CD8A: variants seen among roughly 807,000 people sequenced by gnomAD.
CD8A encodes CD8 subunit alpha, also known as T-cell surface glycoprotein CD8 alpha chain.
CD8A carries 25 observed loss-of-function variants against 24.2 expected under a neutral mutation model. The observed-to-expected ratio is 1.03, with a 90% CI of 0.75 to 1.44. The LOEUF (loss-of-function observed/expected upper bound fraction) is 1.44, where lower values mean the gene tolerates loss of function less well. Ranked by LOEUF, CD8A falls within the 40% of genes most tolerant of loss-of-function variation. The pLI, the probability that CD8A is intolerant of heterozygous loss-of-function variation, is 0.00. For synonymous variants in CD8A, 165 were observed against 149.9 expected (o/e 1.10, Z -0.74); for missense variants, 360 against 319.7 (o/e 1.13, Z -0.96).
At chr2:86,789,173 C>T in intron 4 of CD8A, 150 bp downstream of exon 4, 2 of 707,608 alleles carry the variant, frequency 2.8e-6, no homozygotes, top group South Asian at 3.0e-5. Flanking sequence ...ATTCTATCTC[C>T]CAGAAAGAAG....
In CD8A at chr2:86,788,555, G is replaced by T; in HGVS notation, c.631C>A (p.Arg211=). 1.9e-6 allele frequency: 3 copies of T among 1,613,084 alleles called. No homozygotes were observed. The highest frequency in any genetic ancestry group is 2.5e-6 in the Non-Finnish European group (3 of 1,179,380). The change falls in exon 5 of 6, where the codon CGA becomes AGA. Residue 211 remains arginine (R), a synonymous_variant. Coordinates refer to ENST00000283635, the MANE Select transcript of CD8A (RefSeq NM_001768.7). The part of the protein sequence containing the change: ...VITLYCNHRN[R]RRVCKCPRPV... ...CGGGGACATTTGCAAACACGTCTTC[G>T]GTTCCCTGGATAAGGAAAAAGAAGG...
In CD8A at chr2:86,785,501, CCTCCAGCTACTG is replaced by C; in HGVS notation, c.*407_*418del. On this transcript the variant is annotated 3_prime_UTR_variant, in exon 6 of 6. Transcript: ENST00000283635. ...GAGCCCTGAGCTGGGAGACAAGGTC[CCTCCAGCTACTG>C]CTCCAACCCTGACTTGCTGTGTGCC... 1 of 461,320 alleles carries C rather than the reference CCTCCAGCTACTG, an allele frequency of 2.2e-6. No individual in the cohort carries two copies. Among genetic ancestry groups the C allele is most frequent in the Non-Finnish European group, 4.3e-6 (1 of 231,916 alleles). 28.6% of individuals were successfully genotyped at this position (461,320 alleles called of 1,614,324 possible). A position where few individuals can be genotyped will look rare whatever the true frequency, so the allele number is the denominator to read the frequency against.
chr2:86,797,607 AG>A (rs1199998808), intron 3 of CD8A, among the ~76,000 whole-genome samples: 1 of 152,206 alleles, frequency 6.6e-6, no homozygotes, highest in Admixed American at 6.5e-5. Flanking sequence ...GGACTTGTGG[AG>A]GGCAATGTCA....
At chr2:86,791,692 TG>T (rs1364544827), upstream of CD8A, 4 of 453,698 alleles carry the variant, frequency 8.8e-6, no homozygotes, top group Non-Finnish European at 1.8e-5. Flanking sequence ...ACCCCCAGCT[TG>T]GTTGACCAGC....
At chr2:86,808,327 A>T (rs1673995601) in exon 1 of CD8A, 1 of 152,150 alleles carries the variant, frequency 6.6e-6, no homozygotes, top group Non-Finnish European at 1.5e-5. Context: ...AGGACAGAGG[A>T]GGGATCTAGA....
intron 4 of CD8A, 89 bp downstream of exon 4, chr2:86,789,234 C>G (rs1274218822): frequency 1.2e-6 from 1 of 868,984 alleles, no homozygotes; most frequent in Non-Finnish European, 2.0e-6. Context: ...CAACCCCAAG[C>G]TCCCCCCTCG....
intron 3 of CD8A, among the ~76,000 whole-genome samples, chr2:86,797,762 G>C (rs1027787119): frequency 1.3e-5 from 2 of 152,114 alleles, no homozygotes; most frequent in Non-Finnish European, 2.9e-5. Context: ...CTCTTTATAA[G>C]TGTTAGCATT....
At chr2:86,806,378 G>C (rs990989371) in intron 2 of CD8A, among the ~76,000 whole-genome samples, 5 of 152,206 alleles carry the variant, frequency 3.3e-5, no homozygotes, top group Admixed American at 1.3e-4. Context: ...CTGGAAAAAG[G>C]AAGGAAAGAC....
intron 2 of CD8A, 42 bp downstream of exon 2, chr2:86,790,286 C>T (rs767745868): frequency 3.5e-6 from 5 of 1,442,464 alleles, no homozygotes; most frequent in South Asian, 1.1e-5. Flanking sequence ...GAGGTGAACC[C>T]CAAGCCCCAC....
chr2:86,800,633 G>A (rs1257841510), intron 3 of CD8A, among the ~76,000 whole-genome samples: 1 of 152,028 alleles, frequency 6.6e-6, no homozygotes, highest in Non-Finnish European at 1.5e-5. Flanking sequence ...GGTAGGCTTC[G>A]GTAAAACCTA....
At chr2:86,794,183 C>T (rs1005865824), upstream of CD8A, among the ~76,000 whole-genome samples, 1 of 152,148 alleles carries the variant, frequency 6.6e-6, no homozygotes, top group Non-Finnish European at 1.5e-5. Context: ...AATGACTGCA[C>T]TCCTTTAAGC....
At chr2:86,788,666 G>C (rs1424012594) in intron 4 of CD8A, 106 bp from the exon 5 acceptor site, 1 of 1,085,760 alleles carries the variant, frequency 9.2e-7, no homozygotes, top group African/African-American at 1.5e-5. Context: ...CTGTTTTTTG[G>C]TTTTACAAAA....
rs192234534 is a variant in CD8A at position 86,799,296 on chromosome 2, A to C, written c.-271+2215T>G. On this transcript the variant is annotated intron_variant, in intron 3 of 8. Transcript: ENST00000409511. ...TTTTATTTCCCACTTTAAAACTGAA[A>C]GGCAAACTTCCCGCCCTCCTGTTCC... Among the ~76,000 whole-genome samples, 5 of 152,312 alleles carry C rather than the reference A, an allele frequency of 3.3e-5. 1 individual carries two copies. Among genetic ancestry groups the C allele is most frequent in the African/African-American group, 1.2e-4 (5 of 41,584 alleles).
In CD8A at chr2:86,785,180, C is replaced by T. The variant is rs1672944200; in HGVS notation, c.*740G>A. The T allele has an allele frequency of 2.2e-6, 1 of 453,904 alleles. No individual in the cohort carries two copies. Among genetic ancestry groups the T allele is most frequent in the South Asian group, 1.6e-5 (1 of 64,472 alleles). 28.1% of individuals were successfully genotyped at this position (453,904 alleles called of 1,614,324 possible). ...CAATTCCGCCTCCACATAGGGGTTT[C>T]ACAGAGATTTTCTTTAGAGATAGAG... On this transcript the variant is annotated 3_prime_UTR_variant, in exon 6 of 6. Coordinates refer to ENST00000283635, the MANE Select transcript of CD8A (RefSeq NM_001768.7).
chr2:86,789,757 G>A lies in CD8A; in HGVS notation c.404-7C>T, dbSNP rs1673190961. On this transcript the variant is annotated splice_polypyrimidine_tract_variant and splice_region_variant and intron_variant, in intron 2 of 5. Coordinates refer to ENST00000283635, the MANE Select transcript of CD8A (RefSeq NM_001768.7). Reference sequence around the variant, plus strand: ...GGCGTCGTGGTGGGCTTCGCTGCAAGAGCAACAGAGCGTGGTTGGGGGCCA... The same window carrying A: ...GGCGTCGTGGTGGGCTTCGCTGCAAAAGCAACAGAGCGTGGTTGGGGGCCA... The A allele has an allele frequency of 1.5e-6, 2 of 1,348,016 alleles. No individual in the cohort carries two copies. The highest frequency in any genetic ancestry group is 1.9e-6 in the Non-Finnish European group (2 of 1,055,806). 83.5% of individuals were successfully genotyped at this position (1,348,016 alleles called of 1,614,324 possible).
chr2:86,799,357 G>A (rs1048036879), intron 3 of CD8A, among the ~76,000 whole-genome samples: 2 of 152,010 alleles, frequency 1.3e-5, no homozygotes, highest in Non-Finnish European at 2.9e-5. Flanking sequence ...TAATCCTCTG[G>A]GCCACCAATA....
chr2:86,786,119 T>A, intron 5 of CD8A, 148 bp from the exon 6 acceptor site: 1 of 756,356 alleles, frequency 1.3e-6, no homozygotes, highest in Non-Finnish European at 2.4e-6. Flanking sequence ...GTGAATGACG[T>A]CAGCACAGCA....
upstream of CD8A, among the ~76,000 whole-genome samples, chr2:86,793,829 G>A (rs937432959): frequency 2.0e-5 from 3 of 152,180 alleles, no homozygotes; most frequent in African/African-American, 7.2e-5. Context: ...ATCAGCTTGG[G>A]GGCCTTCTAG....
At chr2:86,792,259 T>C (rs1673334669), upstream of CD8A, among the ~76,000 whole-genome samples, 1 of 152,082 alleles carries the variant, frequency 6.6e-6, no homozygotes, top group Admixed American at 6.5e-5. Context: ...TTGAATCCCA[T>C]AGTGGCTGCA....
Sources: gnomAD v4.1 joint callset for allele counts (sites outside exome capture counted in the v4.1 genomes callset) on GRCh38, gnomAD v4.1.1 for gene constraint, MANE v1.5 for transcripts, NCBI Gene and HGNC (gene_info 2026-07-23, HGNC 2026-07-21) for gene names.